Variants in PCDH15 observed in about 807,000 individuals in gnomAD.
PCDH15 encodes protocadherin-15.
In PCDH15, 129 loss-of-function variants were observed where a neutral mutation model predicts 178.5. That is an observed-to-expected ratio of 0.72 (90% CI 0.63 to 0.84). The LOEUF is 0.84. PCDH15 is among the 40% of genes least tolerant of loss of function. PCDH15 has a pLI of 0.00. For synonymous variants in PCDH15, 800 were observed against 732.0 expected, an observed-to-expected ratio of 1.09 and a Z score of -1.50; for missense variants, 2,230 against 2,099.9, an observed-to-expected ratio of 1.06 and a Z score of -1.21.
At chr10:54,096,971 A>G (rs1565249060) in intron 15 of PCDH15, among the ~76,000 whole-genome samples, 2 of 151,952 alleles carry the variant, frequency 1.3e-5, no homozygotes, top group Non-Finnish European at 2.9e-5. Flanking sequence ...CTTAACTTCT[A>G]TCTCCCCTTC....
intron 1 of PCDH15, among the ~76,000 whole-genome samples, chr10:55,311,704 C>T (rs757957720): frequency 1.4e-4 from 22 of 152,254 alleles, no homozygotes; most frequent in Admixed American, 2.6e-4. Context: ...GAAGGCTCCA[C>T]AGAAGTGTGT....
chr10:54,068,931 A>G (rs181749582), intron 17 of PCDH15, among the ~76,000 whole-genome samples: 78 of 152,338 alleles, frequency 5.1e-4, no homozygotes, highest in African/African-American at 1.6e-3. Context: ...AAGTATGTTT[A>G]AAGAAATTCA....
At chr10:54,125,127 T>A (rs2041880574) in intron 15 of PCDH15, among the ~76,000 whole-genome samples, 1 of 152,050 alleles carries the variant, frequency 6.6e-6, no homozygotes, top group Non-Finnish European at 1.5e-5. Flanking sequence ...TTACACCCAA[T>A]TCGTTCATTA....
chr10:54,242,305 T>C (rs2055487456), intron 8 of PCDH15, among the ~76,000 whole-genome samples: 1 of 150,920 alleles, frequency 6.6e-6, no homozygotes. Flanking sequence ...TCTGGTCATT[T>C]AGGTGTTCAT....
intron 3 of PCDH15, among the ~76,000 whole-genome samples, chr10:54,442,488 TTTTG>T (rs1476717511): frequency 2.3e-5 from 3 of 132,440 alleles, no homozygotes; most frequent in African/African-American, 8.5e-5. Context: ...ATAAATACTA[TTTTG>T]TTTTTTTTAA....
At chr10:54,930,347 G>A (rs180828507) in intron 2 of PCDH15, among the ~76,000 whole-genome samples, 6 of 152,200 alleles carry the variant, frequency 3.9e-5, no homozygotes, top group East Asian at 1.9e-4. Flanking sequence ...CTGTAGGACC[G>A]GAAGTCCCAC....
At chr10:55,365,267 C>T (rs1408025543) in intron 2 of PCDH15, among the ~76,000 whole-genome samples, 1 of 152,110 alleles carries the variant, frequency 6.6e-6, no homozygotes, top group Non-Finnish European at 1.5e-5. Flanking sequence ...TATGTTTAAC[C>T]AGCAGTTTGC....
chr10:54,809,748 A>T (rs1176686235), intron 3 of PCDH15, among the ~76,000 whole-genome samples: 5 of 152,178 alleles, frequency 3.3e-5, no homozygotes, highest in African/African-American at 1.2e-4. Flanking sequence ...GATATTCCTC[A>T]GAATAAATCT....
chr10:54,796,169 T>A (rs1274947080), intron 1 of PCDH15, among the ~76,000 whole-genome samples: 1 of 151,844 alleles, frequency 6.6e-6, no homozygotes, highest in East Asian at 1.9e-4. Context: ...ATACACACAT[T>A]TAATTTCATT....
chr10:54,928,662 C>T (rs1211123053), intron 2 of PCDH15, among the ~76,000 whole-genome samples: 1 of 152,040 alleles, frequency 6.6e-6, no homozygotes, highest in Non-Finnish European at 1.5e-5. Context: ...TTAGTCTTTT[C>T]TGACTAACTT....
At chr10:54,092,815 T>G (rs561760769) in intron 15 of PCDH15, among the ~76,000 whole-genome samples, 9 of 152,208 alleles carry the variant, frequency 5.9e-5, no homozygotes, top group Non-Finnish European at 5.9e-5. Flanking sequence ...TTTCTGTTGT[T>G]TTTCTCTCGG....
intron 16 of PCDH15, among the ~76,000 whole-genome samples, chr10:54,085,495 T>C (rs188685621): frequency 6.6e-6 from 1 of 152,288 alleles, no homozygotes; most frequent in Non-Finnish European, 1.5e-5. Flanking sequence ...ATATATCTTA[T>C]TTAAATGTGT....
intron 2 of PCDH15, among the ~76,000 whole-genome samples, chr10:55,163,586 A>G (rs1839116950): frequency 6.6e-6 from 1 of 152,176 alleles, no homozygotes; most frequent in South Asian, 2.1e-4. Flanking sequence ...TACAGGTCAC[A>G]AAAACCCAGC....
intron 2 of PCDH15, among the ~76,000 whole-genome samples, chr10:55,366,527 A>G (rs1361599599): frequency 1.3e-5 from 2 of 152,130 alleles, no homozygotes; most frequent in African/African-American, 2.4e-5. Flanking sequence ...CAGATATCTG[A>G]TAGGTACCTG....
At chr10:54,163,592 G>GAGCCA (rs1385832635) in intron 13 of PCDH15, among the ~76,000 whole-genome samples, 1 of 152,042 alleles carries the variant, frequency 6.6e-6, no homozygotes, top group Non-Finnish European at 1.5e-5. Flanking sequence ...TGGGGACACA[G>GAGCCA]AGCCAAACCA....
At chr10:53,908,242 C>T (rs922700242) in intron 25 of PCDH15, among the ~76,000 whole-genome samples, 1 of 152,074 alleles carries the variant, frequency 6.6e-6, no homozygotes, top group Non-Finnish European at 1.5e-5. Flanking sequence ...CAGGCTCTTA[C>T]CCCAAACGAA....
chr10:54,317,464 A>G (rs373253242), intron 7 of PCDH15, 23 bp from the exon 8 acceptor site: 4 of 1,612,792 alleles, frequency 2.5e-6, no homozygotes, highest in Middle Eastern at 1.6e-4. Context: ...AAAACAAACA[A>G]CAGGTAGTTT....
chr10:55,123,870 A>G (rs1310427664), intron 2 of PCDH15, among the ~76,000 whole-genome samples: 1 of 152,168 alleles, frequency 6.6e-6, no homozygotes, highest in African/African-American at 2.4e-5. Flanking sequence ...TTGTACCTAG[A>G]TAAGACATCC....
At chr10:54,797,488 TTGTTGC>T (rs971924040) in intron 1 of PCDH15, among the ~76,000 whole-genome samples, 1 of 145,510 alleles carries the variant, frequency 6.9e-6, no homozygotes, top group South Asian at 2.2e-4. Flanking sequence ...GAAAATTATT[TTGTTGC>T]TGTTATTGTT....
Sources: gnomAD v4.1 joint callset for allele counts (sites outside exome capture counted in the v4.1 genomes callset) on GRCh38, gnomAD v4.1.1 for gene constraint, MANE v1.5 for transcripts, NCBI Gene and HGNC (gene_info 2026-07-23, HGNC 2026-07-21) for gene names.